Variants in MTDH observed in about 807,000 individuals in gnomAD.
MTDH encodes the protein protein LYRIC.
Under a neutral mutation model 72.7 loss-of-function variants are expected in MTDH, and 34 were observed. The ratio of observed to expected loss-of-function variants is 0.47; its 90% CI spans 0.36 to 0.62. MTDH has a LOEUF of 0.62. Among genes scored for constraint, MTDH ranks in the 20% least tolerant of loss-of-function variants. MTDH has a pLI of 0.00. For synonymous variants in MTDH, 266 were observed against 268.9 expected, an observed-to-expected ratio of 0.99 and a Z score of 0.10; for missense variants, 677 against 699.4, an observed-to-expected ratio of 0.97 and a Z score of 0.36.
chr8:97,667,075 C>T (rs562501209), intron 2 of MTDH, among the ~76,000 whole-genome samples: 10 of 152,172 alleles, frequency 6.6e-5, no homozygotes, highest in Admixed American at 1.3e-4. Context: ...ACTGCAGCCT[C>T]GACCTCCCAG....
At chr8:97,663,931 C>T (rs910188522) in intron 2 of MTDH, among the ~76,000 whole-genome samples, 1 of 152,138 alleles carries the variant, frequency 6.6e-6, no homozygotes, top group African/African-American at 2.4e-5. Context: ...ATCTATCTGA[C>T]TTCAAAGTCT....
chr8:97,667,963 A>G (rs1326571705), intron 2 of MTDH, among the ~76,000 whole-genome samples: 3 of 152,150 alleles, frequency 2.0e-5, no homozygotes, highest in African/African-American at 7.2e-5. Context: ...TTTAAAAAAT[A>G]TATGTTGTTT....
chr8:97,656,429 C>T (rs927499407), intron 1 of MTDH, among the ~76,000 whole-genome samples: 1 of 151,164 alleles, frequency 6.6e-6, no homozygotes, highest in Non-Finnish European at 1.5e-5. Context: ...CTCAGCCTCC[C>T]GAGTCTGGGA....
At chr8:97,683,377 C>T (rs1253011303) in intron 2 of MTDH, among the ~76,000 whole-genome samples, 6 of 151,592 alleles carry the variant, frequency 4.0e-5, no homozygotes, top group Middle Eastern at 3.4e-3. Context: ...AGACACTTTT[C>T]TTTGTTTTTT....
intron 2 of MTDH, among the ~76,000 whole-genome samples, chr8:97,681,362 T>C (rs757660127): frequency 6.6e-6 from 1 of 151,794 alleles, no homozygotes; most frequent in African/African-American, 2.4e-5. Context: ...TCATATGTCA[T>C]GTAAGGAAGT....
At chr8:97,711,680 A>G (rs1450454634) in intron 8 of MTDH, among the ~76,000 whole-genome samples, 1 of 152,242 alleles carries the variant, frequency 6.6e-6, no homozygotes, top group Non-Finnish European at 1.5e-5. Flanking sequence ...CTGAAACCAC[A>G]GATAGTGTCA....
At chr8:97,655,109 A>C (rs1460762362) in intron 1 of MTDH, among the ~76,000 whole-genome samples, 1 of 152,144 alleles carries the variant, frequency 6.6e-6, no homozygotes, top group African/African-American at 2.4e-5. Context: ...AAAAGAAAAA[A>C]ATAAAAATGA....
At position 97,725,224 on chromosome 8, in the gene MTDH, C is replaced by T. The variant is rs1228810508; in HGVS notation, c.*554C>T. 1 of 152,542 alleles carries T rather than the reference C, an allele frequency of 6.6e-6. No homozygotes were observed. Among genetic ancestry groups the T allele is most frequent in the African/African-American group, 2.4e-5 (1 of 41,426 alleles). The allele number at this position is 152,542 out of a possible 1,614,324, so 9.4% of individuals were successfully genotyped here. On this transcript the variant is annotated 3_prime_UTR_variant, in exon 12 of 12. Coordinates refer to ENST00000336273, the MANE Select transcript of MTDH (RefSeq NM_178812.4). ...TTTATCATTTGTTTAACTAAACTGT[C>T]ATGGTTTAGTTTACAATTTTTAAAA...
chr8:97,677,180 C>CA (rs71271142), intron 2 of MTDH, among the ~76,000 whole-genome samples: 850 of 43,994 alleles, frequency 0.019, 72 homozygotes, highest in Non-Finnish European at 0.021. Context: ...AAGCCTGTCT[C>CA]AAAAAAAAAA....
At chr8:97,708,100 T>C (rs1814438522) in intron 8 of MTDH, among the ~76,000 whole-genome samples, 5 of 151,826 alleles carry the variant, frequency 3.3e-5, no homozygotes, top group Admixed American at 3.3e-4. Context: ...TCCCAGTAGC[T>C]GGGATTACAG....
At chr8:97,697,900 G>T (rs574644542) in intron 6 of MTDH, among the ~76,000 whole-genome samples, 1 of 152,120 alleles carries the variant, frequency 6.6e-6, no homozygotes, top group Non-Finnish European at 1.5e-5. Flanking sequence ...AGAGAAAGCC[G>T]TGTGGGCTGC....
At chr8:97,647,767 A>G in intron 1 of MTDH, among the ~76,000 whole-genome samples, 1 of 152,134 alleles carries the variant, frequency 6.6e-6, no homozygotes, top group East Asian at 1.9e-4. Context: ...ACTTGCAATG[A>G]GTCACTTTGA....
chr8:97,657,007 G>T (rs780602571), intron 1 of MTDH, among the ~76,000 whole-genome samples: 2 of 151,788 alleles, frequency 1.3e-5, no homozygotes, highest in African/African-American at 4.8e-5. Flanking sequence ...TTATGGAATT[G>T]TATGAAATTA....
intron 2 of MTDH, among the ~76,000 whole-genome samples, chr8:97,670,962 T>TG (rs1164766852): frequency 7.3e-6 from 1 of 137,652 alleles, no homozygotes; most frequent in African/African-American, 2.7e-5. Flanking sequence ...GTTTTTTTTT[T>TG]TTTTTTTTTT....
rs991770970 is a variant in MTDH, at chr8:97,699,498, A to G, written c.1049-256A>G. On this transcript the variant is annotated intron_variant, in intron 6 of 11. Coordinates refer to ENST00000336273, the MANE Select transcript of MTDH (RefSeq NM_178812.4). ...CCAGTTGGTGTATAATACAAAACAC[A>G]AAATCTAATGGATTGGTGCTAGGGA... 5.3e-5 allele frequency among the ~76,000 whole-genome samples: 8 copies of G among 152,306 alleles called. No individual in the cohort carries two copies. The South Asian group carries it at 1.4e-3, about 28-fold the overall frequency.
At chr8:97,678,734 T>A (rs1430209725) in intron 2 of MTDH, among the ~76,000 whole-genome samples, 1 of 151,522 alleles carries the variant, frequency 6.6e-6, no homozygotes, top group East Asian at 1.9e-4. Context: ...CCACCTTGAC[T>A]GGCCTATTTT....
chr8:97,724,672 A>G lies in MTDH; in HGVS notation c.*2A>G. Reference sequence around the variant, plus strand: ...AAAAAAGCCAGACGAGAAACGTGAAATTTTTTTTCCTGAATTGGACATGTG... The same window carrying G: ...AAAAAAGCCAGACGAGAAACGTGAAGTTTTTTTTCCTGAATTGGACATGTG... On this transcript the variant is annotated 3_prime_UTR_variant, in exon 12 of 12. Transcript: ENST00000336273. The G allele has an allele frequency of 6.3e-7, 1 of 1,589,954 alleles. No homozygotes were observed. The highest frequency in any genetic ancestry group is 1.4e-5 in the African/African-American group (1 of 73,658).
At chr8:97,704,603 T>G (rs1814271447) in intron 7 of MTDH, among the ~76,000 whole-genome samples, 1 of 151,868 alleles carries the variant, frequency 6.6e-6, no homozygotes, top group South Asian at 2.1e-4. Context: ...AATAAGACCC[T>G]GTCTCTTAAA....
intron 2 of MTDH, among the ~76,000 whole-genome samples, chr8:97,673,697 G>A (rs1416954951): frequency 6.6e-6 from 1 of 150,994 alleles, no homozygotes; most frequent in Non-Finnish European, 1.5e-5. Flanking sequence ...GGAATTGGCC[G>A]GGTGCAGTGG....
Sources: allele counts gnomAD v4.1 joint callset (sites outside exome capture counted in the v4.1 genomes callset), GRCh38; gene constraint gnomAD v4.1.1; transcripts MANE v1.5; gene names NCBI Gene and HGNC (gene_info 2026-07-23, HGNC 2026-07-21).